ITGAE: variants seen among roughly 807,000 people sequenced by gnomAD.
The protein encoded by ITGAE is integrin subunit alpha E.
ITGAE carries 99 observed loss-of-function variants against 136.5 expected under a neutral mutation model. The observed-to-expected ratio is 0.73, with a 90% CI of 0.62 to 0.86. The LOEUF (loss-of-function observed/expected upper bound fraction) is 0.86. Ranked by LOEUF, ITGAE falls within the 40% of genes least tolerant of loss-of-function variation. ITGAE has a pLI of 0.00. For synonymous variants in ITGAE, 613 were observed against 591.8 expected, an observed-to-expected ratio of 1.04 and a Z score of -0.52; for missense variants, 1,447 against 1,515.3, an observed-to-expected ratio of 0.95 and a Z score of 0.75.
rs753862758 is a variant in ITGAE, at chr17:3,755,237, C to T, written c.1264G>A (p.Gly422Arg). 1.2e-5 allele frequency: 19 copies of T among 1,576,916 alleles called. No individual in the cohort carries two copies. Among genetic ancestry groups the T allele is most frequent in the Non-Finnish European group, 1.5e-5 (18 of 1,168,390 alleles). Residue 422 changes from glycine (G) to arginine (R), a missense_variant, in exon 12 of 31, where the codon GGG becomes AGG. Physicochemically the swap from Gly to Arg is moderately radical, Grantham distance 125. Around this residue, in one of 3 missense-constraint regions of ITGAE, gnomAD observed 1,031 missense variants for 1,011.4 expected, o/e 1.02. Coordinates refer to ENST00000263087, the MANE Select transcript of ITGAE (RefSeq NM_002208.5). ...DERQVLLGAV[G>R]AFDWSGGALL... Reference sequence around the variant, plus strand: ...GCCCCTCCGGACCAGTCAAAGGCCCCGACGGCGCCGAGCAGCACCTGCCGC... The same window carrying T: ...GCCCCTCCGGACCAGTCAAAGGCCCTGACGGCGCCGAGCAGCACCTGCCGC...
At chr17:3,770,287 AT>A (rs1202150020) in intron 2 of ITGAE, among the ~76,000 whole-genome samples, 3,958 of 142,326 alleles carry the variant, frequency 0.028, 76 homozygotes, top group Middle Eastern at 0.041. Context: ...GCCCAGCTAA[AT>A]TTTTTTTTTT....
rs759426566 is a variant in ITGAE at position 3,763,878 on chromosome 17, G to C, written c.238C>G (p.His80Asp). The C allele has an allele frequency of 1.2e-5, 19 of 1,613,554 alleles. No individual in the cohort carries two copies. Among genetic ancestry groups the C allele is most frequent in the Non-Finnish European group, 1.6e-5 (19 of 1,179,694 alleles). ...CSLVQDEILC[H>D]PVEHVPIPKG... The stretch of plus-strand genomic sequence containing the variant: ...GTTGGGGCTGACTTACCTACAGGAT[G>C]GCAAAGGATTTCATCCTGGACAAGG... The change falls in exon 3 of 31, where the codon CAT becomes GAT. Residue 80 changes from histidine to aspartate, a missense_variant. Physicochemically the swap from His to Asp is moderately conservative, Grantham distance 81 (BLOSUM62 -1). Around this residue, in one of 3 missense-constraint regions of ITGAE, gnomAD observed 310 missense variants for 416.1 expected, o/e 0.74. Transcript: ENST00000263087.
intron 20 of ITGAE, among the ~76,000 whole-genome samples, chr17:3,737,906 C>T (rs753611164): frequency 5.9e-5 from 9 of 152,258 alleles, no homozygotes; most frequent in Admixed American, 2.0e-4. Flanking sequence ...CGTGCTGTAT[C>T]TCTACTACCC....
chr17:3,780,983 C>T (rs772145861), intron 1 of ITGAE, among the ~76,000 whole-genome samples: 3 of 152,198 alleles, frequency 2.0e-5, no homozygotes, highest in Non-Finnish European at 2.9e-5. Flanking sequence ...GGATTATAGG[C>T]GTCAGCCAAC....
At chr17:3,723,146 G>A (rs2051093112) in intron 28 of ITGAE, 142 bp downstream of exon 28, 3 of 630,960 alleles carry the variant, frequency 4.8e-6, no homozygotes, top group Non-Finnish European at 8.6e-6. Flanking sequence ...TAAGGAACGG[G>A]TTGGGACAGA....
At chr17:3,775,229 G>C (rs1368950142) in intron 2 of ITGAE, among the ~76,000 whole-genome samples, 1 of 152,052 alleles carries the variant, frequency 6.6e-6, no homozygotes, top group South Asian at 2.1e-4. Flanking sequence ...AGGATTACAG[G>C]TGAGCCACTG....
At chr17:3,751,349 G>A (rs1158555425) in intron 15 of ITGAE, among the ~76,000 whole-genome samples, 2 of 151,932 alleles carry the variant, frequency 1.3e-5, no homozygotes. Context: ...CCCGAGGCAG[G>A]TGGGTGGAAG....
intron 18 of ITGAE, 65 bp downstream of exon 18, chr17:3,745,699 T>C (rs1597325063): frequency 1.3e-6 from 2 of 1,491,164 alleles, no homozygotes; most frequent in East Asian, 4.5e-5. Flanking sequence ...CTTCACTGCA[T>C]CACCTCAAAT....
chr17:3,728,711 A>G (rs1203498294), intron 24 of ITGAE, among the ~76,000 whole-genome samples: 1 of 150,600 alleles, frequency 6.6e-6, no homozygotes, highest in Non-Finnish European at 1.5e-5. Context: ...TCAACTGAAT[A>G]CATTAGGACA....
chr17:3,762,901 AT>A (rs1005240281), intron 3 of ITGAE, among the ~76,000 whole-genome samples: 78 of 131,674 alleles, frequency 5.9e-4, no homozygotes, highest in Non-Finnish European at 5.7e-4. Context: ...GCCTGGCAGG[AT>A]TTTTTTTTTT....
At chr17:3,779,929 C>T (rs1284516079) in intron 1 of ITGAE, among the ~76,000 whole-genome samples, 4 of 152,164 alleles carry the variant, frequency 2.6e-5, no homozygotes, top group African/African-American at 7.2e-5. Context: ...ACTGTGAAGA[C>T]ATTTTCATCC....
At chr17:3,728,368 CTTTTTT>C (rs569101162) in intron 24 of ITGAE, 200 bp from the exon 25 acceptor site, 392 of 191,280 alleles carry the variant, frequency 2.0e-3, no homozygotes, top group South Asian at 2.3e-3. Flanking sequence ...ACACTCATCC[CTTTTTT>C]TTTTTTTTTT....
rs2052065327 is a variant in ITGAE, at chr17:3,757,768, G to A, written c.958C>T (p.Leu320Phe). The change falls in exon 9 of 31, where the codon CTC becomes TTC. Residue 320 changes from leucine (L) to phenylalanine (F), a missense_variant. Around this residue, in one of 3 missense-constraint regions of ITGAE, gnomAD observed 310 missense variants for 416.1 expected, o/e 0.74. Transcript: ENST00000263087. ...LTDGGIFEDP[L>F]NLTTVINSPK... ...GAGTTGATGACTGTCGTAAGGTTGA[G>A]GGGGTCCTCGAATATGCCACCATCG... is the stretch of plus-strand genomic sequence containing the variant. The A allele has an allele frequency of 1.9e-6, 3 of 1,614,154 alleles. No individual in the cohort carries two copies. The highest frequency in any genetic ancestry group is 2.5e-6 in the Non-Finnish European group (3 of 1,180,034).
intron 28 of ITGAE, among the ~76,000 whole-genome samples, chr17:3,721,443 TG>T (rs1194842172): frequency 4.0e-5 from 6 of 151,050 alleles, no homozygotes; most frequent in Non-Finnish European, 5.9e-5. Context: ...GGCTAATTTA[TG>T]TATTTATTTA....
At chr17:3,763,306 G>GTTCGTTCA (rs112160680) in intron 3 of ITGAE, among the ~76,000 whole-genome samples, 22 of 150,528 alleles carry the variant, frequency 1.5e-4, no homozygotes, top group African/African-American at 7.3e-5. Context: ...AGTGAATCAG[G>GTTCGTTCA]TTCATTCATT....
intron 28 of ITGAE, among the ~76,000 whole-genome samples, chr17:3,722,836 A>T (rs1202457343): frequency 6.6e-6 from 1 of 152,214 alleles, no homozygotes; most frequent in Non-Finnish European, 1.5e-5. Flanking sequence ...GGCACAATCT[A>T]ATGTCTGCTC....
intron 17 of ITGAE, among the ~76,000 whole-genome samples, chr17:3,746,887 G>A (rs556405169): frequency 3.3e-5 from 5 of 152,164 alleles, no homozygotes; most frequent in Non-Finnish European, 7.4e-5. Flanking sequence ...TACCACACCC[G>A]GCCAGGTCTG....
chr17:3,725,621 G>A, intron 26 of ITGAE: 1 of 1,613,270 alleles, frequency 6.2e-7, no homozygotes, highest in Non-Finnish European at 8.5e-7. Flanking sequence ...TGAACTCAGT[G>A]CACTGTGTCC....
chr17:3,731,501 C>G (rs909949322), intron 22 of ITGAE, among the ~76,000 whole-genome samples: 1 of 151,736 alleles, frequency 6.6e-6, no homozygotes, highest in African/African-American at 2.4e-5. Context: ...ACCACCACGC[C>G]CAGCTAATTT....
Sources: allele counts gnomAD v4.1 joint callset (sites outside exome capture counted in the v4.1 genomes callset), GRCh38; gene constraint gnomAD v4.1.1; regional missense constraint gnomAD v4.1.1; transcripts MANE v1.5; gene names NCBI Gene and HGNC (gene_info 2026-07-23, HGNC 2026-07-21).